Variants in ELMOD2 observed in about 807,000 individuals in gnomAD.
ELMOD2 encodes ELMO domain-containing protein 2.
Under a neutral mutation model 41.0 loss-of-function variants are expected in ELMOD2, and 28 were observed. That is an observed-to-expected ratio of 0.68 (90% CI 0.51 to 0.94). The LOEUF (loss-of-function observed/expected upper bound fraction) is 0.94. Among genes scored for constraint, ELMOD2 ranks in the 40% least tolerant of loss-of-function variants. The pLI is 0.00. For missense variants in ELMOD2, 333 were observed against 343.1 expected, an observed-to-expected ratio of 0.97 and a Z score of 0.23; for synonymous variants, 106 against 107.2, an observed-to-expected ratio of 0.99 and a Z score of 0.07.
Position 140,553,218 on chromosome 4 carries a change from A to T in ELMOD2, c.*2843A>T, listed in dbSNP as rs1408505966. The stretch of plus-strand genomic sequence containing the variant: ...AGAATCGCATGAGTGTGAAAAGTAG[A>T]TGCTCGTAGCCAGAACAGAAAAGGT... On this transcript the variant is annotated 3_prime_UTR_variant, in exon 9 of 9. Transcript: ENST00000323570. 3 of 152,178 alleles carry T rather than the reference A, an allele frequency of 2.0e-5. No individual in the cohort carries two copies. Among genetic ancestry groups the T allele is most frequent in the Admixed American group, 6.5e-5 (1 of 15,270 alleles). The allele number at this position is 152,178 out of a possible 1,614,324, so 9.4% of individuals were successfully genotyped here.
intron 3 of ELMOD2, 57 bp downstream of exon 3, chr4:140,527,551 TAAAA>T (rs752751672): frequency 3.4e-6 from 4 of 1,172,152 alleles, no homozygotes; most frequent in Middle Eastern, 2.1e-4. Flanking sequence ...TATTTTTTCT[TAAAA>T]AAAAAAAAGT....
rs148286208 is a variant in ELMOD2 at position 140,543,512 on chromosome 4, G to A, written c.662G>A (p.Ser221Asn). 9.1e-4 allele frequency: 1,467 copies of A among 1,606,730 alleles called. 2 individuals carry two copies. The highest frequency in any genetic ancestry group is 1.1e-3 in the Non-Finnish European group (1,260 of 1,177,708). Residue 221 changes from serine (S) to asparagine (N), a missense_variant, in exon 8 of 9, where the codon AGT (serine) becomes AAT (asparagine). Transcript: ENST00000323570. ...LTEMAYSLLK[S>N]EALKFHLYNL... ...GAGATGGCTTATAGCTTACTGAAGA[G>A]TGAAGCTTTGAAGTTTCATCTCTAT...
At chr4:140,549,304 TGATA>T (rs1735391156) in intron 8 of ELMOD2, among the ~76,000 whole-genome samples, 2 of 152,096 alleles carry the variant, frequency 1.3e-5, no homozygotes, top group South Asian at 4.1e-4. Flanking sequence ...ATGTACTTGT[TGATA>T]GATATTTTGA....
intron 4 of ELMOD2, 43 bp downstream of exon 4, chr4:140,535,873 G>A: frequency 6.5e-7 from 1 of 1,538,396 alleles, no homozygotes. Context: ...TGCATTTATA[G>A]CCTGTGAGGT....
intron 5 of ELMOD2, among the ~76,000 whole-genome samples, chr4:140,538,771 T>C (rs17006095): frequency 0.31 from 47,623 of 152,134 alleles, 8,275 homozygotes; most frequent in African/African-American, 0.47. Context: ...TTGCTTTAAG[T>C]GTAGTCCAAG....
At chr4:140,545,850 G>A (rs1735258236) in intron 8 of ELMOD2, among the ~76,000 whole-genome samples, 1 of 152,162 alleles carries the variant, frequency 6.6e-6, no homozygotes. Context: ...GTGCTGGAGA[G>A]GATGTGGAGA....
In ELMOD2 at chr4:140,552,381, A is replaced by G. The variant is rs1735491034; in HGVS notation, c.*2006A>G. On this transcript the variant is annotated 3_prime_UTR_variant, in exon 9 of 9. Coordinates refer to ENST00000323570, the MANE Select transcript of ELMOD2 (RefSeq NM_153702.4). ...TCTTTAAATCCACCTCCATTTGTAC[A>G]TTATAGGTATCATTCTGTTTTTGCT... 1 of 152,034 alleles carries G rather than the reference A, an allele frequency of 6.6e-6. No individual in the cohort carries two copies. The highest frequency in any genetic ancestry group is 2.4e-5 in the African/African-American group (1 of 41,444). 9.4% of individuals were successfully genotyped at this position (152,034 alleles called of 1,614,324 possible).
chr4:140,540,405 T>G (rs946536633), intron 6 of ELMOD2, 104 bp downstream of exon 6: 1 of 1,405,154 alleles, frequency 7.1e-7, no homozygotes, highest in Non-Finnish European at 9.7e-7. Flanking sequence ...ATACTATCTC[T>G]GAATTTTAAT....
chr4:140,550,302 A>T lies in ELMOD2; in HGVS notation c.809A>T (p.Tyr270Phe). 6.2e-7 allele frequency: 1 copy of T among 1,611,628 alleles called. No individual in the cohort carries two copies. The highest frequency in any genetic ancestry group is 1.3e-5 in the African/African-American group (1 of 74,974). Reference protein sequence around the residue: ...EPESIMYFNLYREKFHEKIKG... With the variant: ...EPESIMYFNLFREKFHEKIKG... ...GAAAGCATTATGTATTTCAATTTGT[A>T]TAGAGAGAAGTTTCATGAAAAGATT... Residue 270 changes from tyrosine to phenylalanine, a missense_variant, in exon 9 of 9, where the codon TAT (tyrosine) becomes TTT (phenylalanine). Tyr to Phe is a conservative substitution (Grantham distance 22). Coordinates refer to ENST00000323570, the MANE Select transcript of ELMOD2 (RefSeq NM_153702.4).
rs750529913 is a variant in ELMOD2, at chr4:140,540,188, C to A, written c.420C>A (p.Pro140=). Residue 140 remains proline, a synonymous_variant, in exon 6 of 9, where the codon CCC becomes CCA. Coordinates refer to ENST00000323570, the MANE Select transcript of ELMOD2 (RefSeq NM_153702.4). ...LLMKLWNLLM[P]TKKLNARISK... is the part of the protein sequence containing the mutation. ...TACAGCTTTGGAATCTTCTAATGCC[C>A]ACGAAGAAGTTAAACGCTAGAATCT... 1 of 1,613,942 alleles carries A rather than the reference C, an allele frequency of 6.2e-7. No homozygotes were observed. The highest frequency in any genetic ancestry group is 1.1e-5 in the South Asian group (1 of 91,072).
chr4:140,535,937 A>C (rs1734910900), intron 4 of ELMOD2, 107 bp downstream of exon 4: 3 of 999,676 alleles, frequency 3.0e-6, no homozygotes, highest in Non-Finnish European at 4.3e-6. Context: ...TGTGGAGATC[A>C]TCTGATTCAG....
chr4:140,553,438 A>G lies in ELMOD2; in HGVS notation c.*3063A>G, dbSNP rs1310996696. 1 of 152,162 alleles carries G rather than the reference A, an allele frequency of 6.6e-6. No homozygotes were observed. The highest frequency in any genetic ancestry group is 1.5e-5 in the Non-Finnish European group (1 of 67,990). The allele number at this position is 152,162 out of a possible 1,614,324, so 9.4% of individuals were successfully genotyped here. ...CACCTCTCTACAAAAGCAATTTTTA[A>G]TGAAGGTTAGTGGAATTGTTAAAAA... On this transcript the variant is annotated 3_prime_UTR_variant, in exon 9 of 9. Transcript: ENST00000323570.
At position 140,552,027 on chromosome 4, in the gene ELMOD2, T is replaced by A. The variant is rs1735483485; in HGVS notation, c.*1652T>A. Reference sequence around the variant, plus strand: ...GGGACATCTCAACTTTGGGAATATCTTCACTTAATTTTTAAAAAATATTTT... The same window carrying A: ...GGGACATCTCAACTTTGGGAATATCATCACTTAATTTTTAAAAAATATTTT... On this transcript the variant is annotated 3_prime_UTR_variant, in exon 9 of 9. Transcript: ENST00000323570. 1 of 152,074 alleles carries A rather than the reference T, an allele frequency of 6.6e-6. No homozygotes were observed. Among genetic ancestry groups the A allele is most frequent in the Non-Finnish European group, 1.5e-5 (1 of 67,926 alleles). 9.4% of individuals were successfully genotyped at this position (152,074 alleles called of 1,614,324 possible).
At position 140,552,423 on chromosome 4, in the gene ELMOD2, C is replaced by T. The variant is rs1175706886; in HGVS notation, c.*2048C>T. On this transcript the variant is annotated 3_prime_UTR_variant, in exon 9 of 9. Coordinates refer to ENST00000323570, the MANE Select transcript of ELMOD2 (RefSeq NM_153702.4). ...GTTTTTGCTTAAAATAATCTGCAAC[C>T]ATTTCAGATAGTTTTACAGCAAATT... 1 of 151,924 alleles carries T rather than the reference C, an allele frequency of 6.6e-6. No individual in the cohort carries two copies. The highest frequency in any genetic ancestry group is 1.5e-5 in the Non-Finnish European group (1 of 67,900). 9.4% of individuals were successfully genotyped at this position (151,924 alleles called of 1,614,324 possible).
chr4:140,538,760 C>CT (rs1735011101), intron 5 of ELMOD2, among the ~76,000 whole-genome samples: 5 of 152,192 alleles, frequency 3.3e-5, no homozygotes, highest in Admixed American at 2.6e-4. Flanking sequence ...TGTAATCTGT[C>CT]TTGCTTTAAG....
intron 8 of ELMOD2, among the ~76,000 whole-genome samples, chr4:140,544,784 C>T (rs990555654): frequency 2.0e-5 from 3 of 152,020 alleles, no homozygotes; most frequent in African/African-American, 7.2e-5. Context: ...TGTTCCAGCT[C>T]CCTCTGTTCT....
chr4:140,531,664 A>T (rs950154649), intron 3 of ELMOD2, among the ~76,000 whole-genome samples: 1 of 152,218 alleles, frequency 6.6e-6, no homozygotes, highest in Non-Finnish European at 1.5e-5. Context: ...TGCTATAGTG[A>T]TGCACATTTG....
chr4:140,543,877 A>T (rs1735183752), intron 8 of ELMOD2, among the ~76,000 whole-genome samples: 1 of 152,078 alleles, frequency 6.6e-6, no homozygotes, highest in African/African-American at 2.4e-5. Flanking sequence ...CTAACTACAA[A>T]ATGTATTTTC....
chr4:140,541,899 A>G (rs1034704706), intron 6 of ELMOD2, among the ~76,000 whole-genome samples: 1 of 152,108 alleles, frequency 6.6e-6, no homozygotes, highest in Non-Finnish European at 1.5e-5. Context: ...TAAAATGTAA[A>G]TAAACCATGG....
Sources: gnomAD v4.1 joint callset for allele counts (sites outside exome capture counted in the v4.1 genomes callset) on GRCh38, gnomAD v4.1.1 for gene constraint, MANE v1.5 for transcripts, NCBI Gene and HGNC (gene_info 2026-07-23, HGNC 2026-07-21) for gene names.